The following DLG2 variants were observed in gnomAD, a reference collection of about 807,000 sequenced individuals.
DLG2 encodes discs large MAGUK scaffold protein 2, also known as disks large homolog 2.
DLG2 carries 45 observed loss-of-function variants against 132.5 expected under a neutral mutation model. That is an observed-to-expected ratio of 0.34 (90% CI 0.27 to 0.44). The LOEUF is 0.44. Among genes scored for constraint, DLG2 ranks in the 20% least tolerant of loss-of-function variants. The probability of loss-of-function intolerance (pLI) is 1.00; values close to 1 mark genes in which losing one functional copy is unlikely to be tolerated. For synonymous variants in DLG2, 424 were observed against 419.6 expected (o/e 1.01, Z -0.13); for missense variants, 1,045 against 1,196.9 (o/e 0.87, Z 1.87).
At chr11:84,852,495 C>T (rs1399265416) in intron 6 of DLG2, among the ~76,000 whole-genome samples, 1 of 151,958 alleles carries the variant, frequency 6.6e-6, no homozygotes, top group African/African-American at 2.4e-5. Flanking sequence ...AAGAATGTCA[C>T]CGGCATGGGT....
At chr11:83,658,626 C>T (rs895290149) in intron 18 of DLG2, among the ~76,000 whole-genome samples, 1 of 152,228 alleles carries the variant, frequency 6.6e-6, no homozygotes, top group Non-Finnish European at 1.5e-5. Flanking sequence ...TTTTGCCCAG[C>T]ATGACCCACC....
rs190807377 is a variant in DLG2 at position 83,667,772 on chromosome 11, G to T, written c.1826-34447C>A. ...AGGCGGGCGGATCACGAGGTCAGGAGATTGAGACCATCCTAGCTAACACGG... is the reference window on the plus strand; with the variant it reads ...AGGCGGGCGGATCACGAGGTCAGGATATTGAGACCATCCTAGCTAACACGG... On this transcript the variant is annotated intron_variant, in intron 18 of 27. Transcript: ENST00000376104. 7.6e-4 allele frequency among the ~76,000 whole-genome samples: 116 copies of T among 152,076 alleles called. 1 individual carries two copies. The highest frequency in any genetic ancestry group is 6.8e-3 in the Middle Eastern group (2 of 292).
At chr11:85,485,246 A>G (rs1463332756) in intron 3 of DLG2, among the ~76,000 whole-genome samples, 2 of 152,140 alleles carry the variant, frequency 1.3e-5, no homozygotes, top group African/African-American at 4.8e-5. Flanking sequence ...AGATATACCT[A>G]ATGCTAGATG....
chr11:85,402,094 C>A lies in DLG2; in HGVS notation c.41-116729G>T, dbSNP rs540753084. Among the ~76,000 whole-genome samples the A allele has an allele frequency of 2.6e-5, 4 of 152,266 alleles. No homozygotes were observed. In the East Asian group the frequency reaches 5.8e-4, roughly 22 times the overall value. ...TCACGCTACCTGACTTCAAACTATA[C>A]TACAAGGCTACAGTAACCAAAACAG... On this transcript the variant is annotated intron_variant, in intron 3 of 27. Transcript: ENST00000376104.
intron 6 of DLG2, among the ~76,000 whole-genome samples, chr11:84,804,554 G>A (rs2075784303): frequency 6.6e-6 from 1 of 152,174 alleles, no homozygotes; most frequent in Non-Finnish European, 1.5e-5. Context: ...CAACATAGCA[G>A]TAACTTCTCT....
chr11:85,283,185 A>G (rs2078341675), intron 4 of DLG2, among the ~76,000 whole-genome samples: 1 of 151,988 alleles, frequency 6.6e-6, no homozygotes, highest in African/African-American at 2.4e-5. Context: ...CCCCTGTGAC[A>G]TGAGTTTACC....
intron 6 of DLG2, among the ~76,000 whole-genome samples, chr11:84,613,730 G>C (rs1320402335): frequency 6.6e-6 from 1 of 152,240 alleles, no homozygotes; most frequent in East Asian, 1.9e-4. Flanking sequence ...TCCTTCTTTA[G>C]AATGCTTCAA....
chr11:84,417,277 T>C (rs1440233779), intron 7 of DLG2, among the ~76,000 whole-genome samples: 1 of 152,206 alleles, frequency 6.6e-6, no homozygotes, highest in Non-Finnish European at 1.5e-5. Context: ...TTAAATGAAA[T>C]TCAACTTCCC....
At chr11:85,216,297 T>C (rs2082591623) in intron 4 of DLG2, among the ~76,000 whole-genome samples, 2 of 152,194 alleles carry the variant, frequency 1.3e-5, no homozygotes, top group Non-Finnish European at 2.9e-5. Flanking sequence ...TTCCTACTTA[T>C]TTATAGCAAA....
chr11:84,154,398 C>A (rs1026262044), intron 9 of DLG2, among the ~76,000 whole-genome samples: 1 of 152,226 alleles, frequency 6.6e-6, no homozygotes, highest in Non-Finnish European at 1.5e-5. Flanking sequence ...TTAGCCTCAT[C>A]TTCAACCCCA....
intron 19 of DLG2, among the ~76,000 whole-genome samples, chr11:83,627,368 C>T (rs2062748165): frequency 6.6e-6 from 1 of 151,974 alleles, no homozygotes; most frequent in South Asian, 2.1e-4. Flanking sequence ...CTTCCCCCAC[C>T]CCACCCCACA....
At chr11:83,809,121 G>A (rs567126874) in intron 17 of DLG2, among the ~76,000 whole-genome samples, 2 of 152,214 alleles carry the variant, frequency 1.3e-5, no homozygotes, top group African/African-American at 4.8e-5. Context: ...ATGACTGGCT[G>A]TTTACCACCT....
chr11:83,643,559 C>G (rs1341095898), intron 18 of DLG2: 3 of 152,188 alleles, frequency 2.0e-5, no homozygotes, highest in Admixed American at 1.3e-4. Flanking sequence ...AATATTAAAT[C>G]TTCGCTGAAT....
At chr11:84,185,632 G>A (rs36193948) in intron 8 of DLG2, among the ~76,000 whole-genome samples, 9,829 of 152,128 alleles carry the variant, frequency 0.065, 395 homozygotes, top group African/African-American at 0.1. Flanking sequence ...GTGAGAGAGG[G>A]CATCCCTGTC....
intron 6 of DLG2, among the ~76,000 whole-genome samples, chr11:84,980,346 T>A (rs1485369288): frequency 6.6e-6 from 1 of 152,130 alleles, no homozygotes; most frequent in East Asian, 1.9e-4. Context: ...TCACCAAGAA[T>A]AAGGCCTATC....
At chr11:85,285,016 A>G (rs558620123) in intron 4 of DLG2, among the ~76,000 whole-genome samples, 2 of 152,094 alleles carry the variant, frequency 1.3e-5, no homozygotes, top group African/African-American at 4.8e-5. Flanking sequence ...CTCAAAAAAT[A>G]TAAAGAATCA....
chr11:85,496,546 G>C (rs1461113923), intron 3 of DLG2, among the ~76,000 whole-genome samples: 1 of 152,134 alleles, frequency 6.6e-6, no homozygotes, highest in Non-Finnish European at 1.5e-5. Context: ...GTCCCTGCTG[G>C]ACAGCTCTGA....
chr11:84,548,205 A>T (rs1025054423), intron 6 of DLG2, among the ~76,000 whole-genome samples: 2 of 152,176 alleles, frequency 1.3e-5, no homozygotes, highest in East Asian at 3.9e-4. Context: ...TTCCTTCTCC[A>T]CTGCCAGCAC....
rs376139071 is a variant in DLG2, at chr11:83,842,685, G to A, written c.1566-8915C>T. On this transcript the variant is annotated intron_variant, in intron 16 of 27. Coordinates refer to ENST00000376104, the MANE Select transcript of DLG2 (RefSeq NM_001142699.3). ...CAAAAAATTAGCCGGGCATGGTGGC[G>A]GGTGCCTGTAGCCCCAGGTACTCGG... 6.8e-3 allele frequency among the ~76,000 whole-genome samples: 1,027 copies of A among 151,874 alleles called. 10 individuals are homozygous for A. The highest frequency in any genetic ancestry group is 0.024 in the African/African-American group (993 of 41,428).
Sources: gnomAD v4.1 joint callset for allele counts (sites outside exome capture counted in the v4.1 genomes callset) on GRCh38, gnomAD v4.1.1 for gene constraint, MANE v1.5 for transcripts, NCBI Gene and HGNC (gene_info 2026-07-23, HGNC 2026-07-21) for gene names.